DIP2B: variants seen among roughly 807,000 people sequenced by gnomAD.
The protein encoded by DIP2B is disco-interacting protein 2 homolog B.
In DIP2B, 76 loss-of-function variants were observed where a neutral mutation model predicts 198.0. The observed-to-expected ratio is 0.38, with a 90% CI of 0.32 to 0.46. The LOEUF is 0.46. DIP2B is among the 20% of genes least tolerant of loss of function. The pLI, the probability that DIP2B is intolerant of heterozygous loss-of-function variation, is 0.99. For synonymous variants in DIP2B, 701 were observed against 739.1 expected, an observed-to-expected ratio of 0.95 and a Z score of 0.84; for missense variants, 1,559 against 1,978.4, an observed-to-expected ratio of 0.79 and a Z score of 4.02.
intron 25 of DIP2B, among the ~76,000 whole-genome samples, chr12:50,720,503 G>A (rs1014150448): frequency 1.3e-5 from 2 of 151,600 alleles, no homozygotes; most frequent in Middle Eastern, 3.2e-3. Context: ...TTGAAAAGTC[G>A]TTAAAAATCT....
rs1592144935 is a variant in DIP2B at position 50,727,437 on chromosome 12, TTCC to T, written c.3401-264_3401-262del. On this transcript the variant is annotated intron_variant, in intron 28 of 37. Coordinates refer to ENST00000301180, the MANE Select transcript of DIP2B (RefSeq NM_173602.3). ...AGCTGGCATTTGAACAGCAGTCTGC[TTCC>T]TACTGTGTTCTGTTTCCCCTTACTA... 4.6e-5 allele frequency among the ~76,000 whole-genome samples: 7 copies of T among 152,324 alleles called. No individual in the cohort carries two copies. In the East Asian group the frequency reaches 1.3e-3, roughly 29 times the overall value.
intron 1 of DIP2B, among the ~76,000 whole-genome samples, chr12:50,602,697 A>G (rs1189205739): frequency 1.3e-5 from 2 of 151,424 alleles, no homozygotes; most frequent in Admixed American, 6.6e-5. Context: ...CGTCTCTACT[A>G]AAAATACAAA....
chr12:50,712,762 G>A (rs1939641830), intron 22 of DIP2B, among the ~76,000 whole-genome samples: 1 of 152,070 alleles, frequency 6.6e-6, no homozygotes, highest in African/African-American at 2.4e-5. Context: ...CAAAAAATTA[G>A]CCGGGCTTGG....
rs747517794 is a variant in DIP2B at position 50,678,871 on chromosome 12, C to A, written c.1109C>A (p.Thr370Lys). Residue 370 changes from threonine (T) to lysine (K), a missense_variant, in exon 8 of 38, where the codon ACA (threonine) becomes AAA (lysine). By Grantham distance (78) the Thr-to-Lys change is moderately conservative. Transcript: ENST00000301180. The part of the protein sequence containing the change: ...DMTGKPVYTL[T>K]YGKLWSRSLK... ...ACAGGGAAACCAGTTTACACTCTTA[C>A]ATATGGTGAGTCTGCAAGATTCCAG... 1 of 1,614,214 alleles carries A rather than the reference C, an allele frequency of 6.2e-7. No individual in the cohort carries two copies. Among genetic ancestry groups the A allele is most frequent in the Non-Finnish European group, 8.5e-7 (1 of 1,180,028 alleles).
intron 32 of DIP2B, 136 bp from the exon 33 acceptor site, chr12:50,733,999 G>A: frequency 1.2e-6 from 1 of 827,716 alleles, no homozygotes; most frequent in Non-Finnish European, 2.1e-6. Flanking sequence ...TGAGAGCAGG[G>A]GGCCTACTCT....
chr12:50,686,896 A>G, intron 12 of DIP2B: 1 of 409,316 alleles, frequency 2.4e-6, no homozygotes, highest in Non-Finnish European at 4.3e-6. Flanking sequence ...TGACGGCAAA[A>G]AAAAAAGGAT....
At chr12:50,665,587 A>AT (rs952045534) in intron 4 of DIP2B, among the ~76,000 whole-genome samples, 4 of 151,956 alleles carry the variant, frequency 2.6e-5, no homozygotes, top group Admixed American at 6.6e-5. Flanking sequence ...TCTACAAATA[A>AT]TTTTTTTTAA....
At chr12:50,515,863 C>T (rs993412477) in intron 1 of DIP2B, among the ~76,000 whole-genome samples, 3 of 152,134 alleles carry the variant, frequency 2.0e-5, no homozygotes, top group African/African-American at 7.2e-5. Context: ...TTTCAACTTC[C>T]TCCTCCACCC....
intron 2 of DIP2B, among the ~76,000 whole-genome samples, chr12:50,627,094 G>A (rs1937949967): frequency 6.6e-6 from 1 of 152,184 alleles, no homozygotes; most frequent in Non-Finnish European, 1.5e-5. Context: ...GCGACAGCTA[G>A]TGAAAAGCCA....
chr12:50,682,918 C>T (rs563841902), intron 9 of DIP2B, among the ~76,000 whole-genome samples: 1 of 152,230 alleles, frequency 6.6e-6, no homozygotes, highest in East Asian at 1.9e-4. Context: ...AGGATGAATG[C>T]GTTATAGTTC....
rs564063608 is a variant in DIP2B at position 50,649,826 on chromosome 12, G to A, written c.301+8974G>A. On this transcript the variant is annotated intron_variant, in intron 3 of 37. Coordinates refer to ENST00000301180, the MANE Select transcript of DIP2B (RefSeq NM_173602.3). ...AGCCGAGATTGTGCCACTGCAATCC[G>A]GCCTGGGTGAAAGGGTGAGACTTTG... 3.2e-3 allele frequency among the ~76,000 whole-genome samples: 492 copies of A among 151,854 alleles called. 2 individuals carry two copies. Among genetic ancestry groups the A allele is most frequent in the African/African-American group, 0.011 (471 of 41,424 alleles).
At chr12:50,738,740 A>C (rs1940182512) in intron 35 of DIP2B, among the ~76,000 whole-genome samples, 1 of 152,168 alleles carries the variant, frequency 6.6e-6, no homozygotes, top group Non-Finnish European at 1.5e-5. Context: ...TTGGCCTCCC[A>C]AAGTGCTGGG....
intron 14 of DIP2B, among the ~76,000 whole-genome samples, chr12:50,694,654 C>CTCT (rs1939278611): frequency 7.6e-6 from 1 of 131,212 alleles, no homozygotes; most frequent in Admixed American, 7.7e-5. Flanking sequence ...ACCCCTGTCT[C>CTCT]TTTTTTTTTT....
At chr12:50,708,397 A>G (rs1298392813) in intron 21 of DIP2B, 51 bp from the exon 22 acceptor site, 2 of 1,509,754 alleles carry the variant, frequency 1.3e-6, no homozygotes, top group East Asian at 2.4e-5. Context: ...AACAAAACAA[A>G]TAGGACTGGT....
chr12:50,703,939 A>G (rs2139564617), intron 19 of DIP2B, among the ~76,000 whole-genome samples: 1 of 150,292 alleles, frequency 6.7e-6, no homozygotes, highest in African/African-American at 2.4e-5. Flanking sequence ...TTATATATAT[A>G]TTTATATATG....
intron 1 of DIP2B, among the ~76,000 whole-genome samples, chr12:50,584,230 C>T (rs1958749781): frequency 6.6e-6 from 1 of 152,230 alleles, no homozygotes; most frequent in Non-Finnish European, 1.5e-5. Context: ...CCAGACCTCA[C>T]AGGTACAGAG....
intron 19 of DIP2B, among the ~76,000 whole-genome samples, chr12:50,700,255 A>G (rs1939394898): frequency 6.6e-6 from 1 of 152,208 alleles, no homozygotes; most frequent in South Asian, 2.1e-4. Flanking sequence ...CCAGGTTGTA[A>G]TGGAAACTTT....
intron 3 of DIP2B, among the ~76,000 whole-genome samples, chr12:50,643,118 A>G (rs936160828): frequency 6.6e-6 from 1 of 151,732 alleles, no homozygotes; most frequent in South Asian, 2.1e-4. Flanking sequence ...AGGATTATTA[A>G]GGATCCAAAA....
chr12:50,667,167 G>A (rs1479084694), intron 4 of DIP2B, among the ~76,000 whole-genome samples: 1 of 152,146 alleles, frequency 6.6e-6, no homozygotes, highest in Non-Finnish European at 1.5e-5. Context: ...AATGCGCCCG[G>A]CCAACATGCT....
Sources: allele counts gnomAD v4.1 joint callset (sites outside exome capture counted in the v4.1 genomes callset), GRCh38; gene constraint gnomAD v4.1.1; transcripts MANE v1.5; gene names NCBI Gene and HGNC (gene_info 2026-07-23, HGNC 2026-07-21).